The following GFRA1 variants were observed in gnomAD, a reference collection of about 807,000 sequenced individuals.
The protein encoded by GFRA1 is GDNF family receptor alpha 1, also known as GDNF family receptor alpha-1.
A neutral mutation model predicts 51.6 loss-of-function variants in GFRA1; 16 were observed. The observed-to-expected ratio is 0.31, with a 90% CI of 0.21 to 0.47. GFRA1 has a LOEUF of 0.47. GFRA1 is among the 20% of genes least tolerant of loss of function. The pLI, the probability that GFRA1 is intolerant of heterozygous loss-of-function variation, is 1.00. For synonymous variants in GFRA1, 270 were observed against 241.3 expected (o/e 1.12, Z -1.10); for missense variants, 530 against 594.3 (o/e 0.89, Z 1.13).
chr10:116,106,359 T>C (rs1052870140), intron 6 of GFRA1, among the ~76,000 whole-genome samples: 1 of 152,230 alleles, frequency 6.6e-6, no homozygotes, highest in Non-Finnish European at 1.5e-5. Flanking sequence ...AACTTGAACA[T>C]GTACTAGGAC....
intron 6 of GFRA1, among the ~76,000 whole-genome samples, chr10:116,104,806 G>C: frequency 6.6e-6 from 1 of 152,174 alleles, no homozygotes; most frequent in East Asian, 1.9e-4. Context: ...AATTTGAAAA[G>C]CAAGTCATGG....
chr10:116,114,873 A>C (rs1334759453), intron 6 of GFRA1, among the ~76,000 whole-genome samples: 1 of 152,208 alleles, frequency 6.6e-6, no homozygotes, highest in Non-Finnish European at 1.5e-5. Context: ...GCACAAAAAT[A>C]TCTCATTTAG....
At chr10:116,212,715 C>T (rs1180275061) in intron 4 of GFRA1, among the ~76,000 whole-genome samples, 4 of 152,264 alleles carry the variant, frequency 2.6e-5, no homozygotes, top group East Asian at 3.9e-4. Context: ...CTGTAGCACA[C>T]GGTAGCTCAT....
At chr10:116,231,520 A>G (rs887540787) in intron 4 of GFRA1, among the ~76,000 whole-genome samples, 3 of 152,222 alleles carry the variant, frequency 2.0e-5, no homozygotes, top group African/African-American at 7.2e-5. Flanking sequence ...TATATAATCG[A>G]TACAAAGCAT....
At chr10:116,215,807 C>T (rs1159390654) in intron 4 of GFRA1, among the ~76,000 whole-genome samples, 5 of 152,192 alleles carry the variant, frequency 3.3e-5, no homozygotes, top group Non-Finnish European at 7.4e-5. Context: ...ATACTCACTT[C>T]CCAAGGGAGA....
intron 6 of GFRA1, among the ~76,000 whole-genome samples, chr10:116,117,454 T>C (rs903547409): frequency 6.6e-6 from 1 of 151,330 alleles, no homozygotes; most frequent in Admixed American, 6.6e-5. Context: ...ACTGTGTGTG[T>C]GCTTGCCTTC....
intron 4 of GFRA1, among the ~76,000 whole-genome samples, chr10:116,228,709 A>G (rs186481464): frequency 1.1e-3 from 160 of 152,166 alleles, no homozygotes; most frequent in Non-Finnish European, 1.4e-3. Context: ...GGGGCCGGGC[A>G]CGGTGGCTCA....
chr10:116,144,124 G>A (rs928173878), intron 5 of GFRA1, among the ~76,000 whole-genome samples: 4 of 152,096 alleles, frequency 2.6e-5, no homozygotes, highest in Non-Finnish European at 4.4e-5. Context: ...CACTTTGCAC[G>A]TGATTCTGCT....
chr10:116,218,186 G>A (rs562462766), intron 4 of GFRA1, among the ~76,000 whole-genome samples: 3 of 152,204 alleles, frequency 2.0e-5, no homozygotes, highest in South Asian at 4.1e-4. Context: ...CCTTTGTTTC[G>A]GGTACCACTC....
chr10:116,167,838 T>C (rs1210530697), intron 5 of GFRA1, among the ~76,000 whole-genome samples: 3 of 152,174 alleles, frequency 2.0e-5, no homozygotes, highest in African/African-American at 7.2e-5. Context: ...AGCACTGCTA[T>C]GAAATACTCA....
chr10:116,198,896 A>G (rs1964109068), intron 5 of GFRA1, among the ~76,000 whole-genome samples: 1 of 152,210 alleles, frequency 6.6e-6, no homozygotes, highest in South Asian at 2.1e-4. Flanking sequence ...TGCGGTCACG[A>G]TGGATTAGGG....
Position 116,271,027 on chromosome 10 carries a change from G to T in GFRA1, c.129C>A (p.Ser43Arg). 6.2e-7 allele frequency: 1 copy of T among 1,614,150 alleles called. No homozygotes were observed. Among genetic ancestry groups the T allele is most frequent in the Non-Finnish European group, 8.5e-7 (1 of 1,179,988 alleles). ...SDQCLKEQSC[S>R]TKYRTLRQCV... Reference sequence around the variant, plus strand: ...ACTGCCTTAGCGTGCGGTACTTGGTGCTGCAGCTCTGCTCCTTCAGGCACT... The same window carrying T: ...ACTGCCTTAGCGTGCGGTACTTGGTTCTGCAGCTCTGCTCCTTCAGGCACT... Residue 43 changes from serine (S) to arginine (R), a missense_variant, in exon 3 of 11, where the codon AGC (serine) becomes AGA (arginine). Ser to Arg is a moderately radical substitution (Grantham distance 110). Transcript: ENST00000355422.
intron 5 of GFRA1, among the ~76,000 whole-genome samples, chr10:116,152,290 C>T (rs960131319): frequency 2.0e-5 from 3 of 152,312 alleles, no homozygotes; most frequent in South Asian, 2.1e-4. Flanking sequence ...CAGTACCCCA[C>T]GCTGTGGAAT....
At chr10:116,124,721 G>C (rs1957782240) in intron 6 of GFRA1, among the ~76,000 whole-genome samples, 1 of 152,184 alleles carries the variant, frequency 6.6e-6, no homozygotes, top group South Asian at 2.1e-4. Context: ...CACAGCGACA[G>C]AACAGTCCAG....
chr10:116,246,477 A>G (rs1177047808), intron 4 of GFRA1, among the ~76,000 whole-genome samples: 1 of 152,152 alleles, frequency 6.6e-6, no homozygotes, highest in Non-Finnish European at 1.5e-5. Context: ...GTATATGAGA[A>G]CACTGAGTAC....
chr10:116,252,327 G>A (rs1968449712), intron 4 of GFRA1, among the ~76,000 whole-genome samples: 1 of 152,068 alleles, frequency 6.6e-6, no homozygotes. Context: ...TCTTAATGAA[G>A]CTACCCTTCA....
At chr10:116,157,371 C>T (rs1452024588) in intron 5 of GFRA1, among the ~76,000 whole-genome samples, 3 of 152,166 alleles carry the variant, frequency 2.0e-5, no homozygotes, top group African/African-American at 4.8e-5. Flanking sequence ...CACTGCTGAT[C>T]GCACCCTGTG....
chr10:116,242,356 G>A (rs1589903216), intron 4 of GFRA1, among the ~76,000 whole-genome samples: 1 of 152,044 alleles, frequency 6.6e-6, no homozygotes, highest in African/African-American at 2.4e-5. Context: ...CTTTTTAAAC[G>A]CAACATTCTA....
intron 4 of GFRA1, among the ~76,000 whole-genome samples, chr10:116,221,054 ATACT>A (rs2134497207): frequency 6.6e-6 from 1 of 152,310 alleles, no homozygotes; most frequent in Non-Finnish European, 1.5e-5. Context: ...AGCATAAAAG[ATACT>A]TATTAATATT....
Sources: gnomAD v4.1 joint callset for allele counts (sites outside exome capture counted in the v4.1 genomes callset) on GRCh38, gnomAD v4.1.1 for gene constraint, MANE v1.5 for transcripts, NCBI Gene and HGNC (gene_info 2026-07-23, HGNC 2026-07-21) for gene names.